RBFOX1: variants seen among roughly 807,000 people sequenced by gnomAD.
The protein encoded by RBFOX1 is RNA binding protein fox-1 homolog 1.
In RBFOX1, 8 loss-of-function variants were observed where a neutral mutation model predicts 57.7. That is an observed-to-expected ratio of 0.14 (90% CI 0.08 to 0.25). The LOEUF (loss-of-function observed/expected upper bound fraction) is 0.25. Ranked by LOEUF, RBFOX1 falls within the 10% of genes least tolerant of loss-of-function variation. The probability of loss-of-function intolerance (pLI) is 1.00; values close to 1 mark genes in which losing one functional copy is unlikely to be tolerated. For missense variants in RBFOX1, 611 were observed against 548.5 expected, an observed-to-expected ratio of 1.11 and a Z score of -1.14; for synonymous variants, 326 against 222.4, an observed-to-expected ratio of 1.47 and a Z score of -4.15.
At chr16:6,854,788 G>A (rs926442454) in intron 3 of RBFOX1, among the ~76,000 whole-genome samples, 2 of 151,806 alleles carry the variant, frequency 1.3e-5, no homozygotes, top group Non-Finnish European at 2.9e-5. Flanking sequence ...TAGAGACGGG[G>A]TTTCACCATG....
At chr16:7,078,102 C>G (rs2058587976) in intron 4 of RBFOX1, among the ~76,000 whole-genome samples, 1 of 152,172 alleles carries the variant, frequency 6.6e-6, no homozygotes, top group African/African-American at 2.4e-5. Context: ...TCCTCTTTGG[C>G]TCATGAGAAA....
chr16:7,466,921 C>T (rs1385387174), intron 4 of RBFOX1, among the ~76,000 whole-genome samples: 1 of 152,108 alleles, frequency 6.6e-6, no homozygotes, highest in Non-Finnish European at 1.5e-5. Flanking sequence ...GATTTTCAGC[C>T]ACAGGAGAGA....
At chr16:7,701,851 C>T (rs2080844947) in intron 14 of RBFOX1, among the ~76,000 whole-genome samples, 1 of 152,188 alleles carries the variant, frequency 6.6e-6, no homozygotes, top group African/African-American at 2.4e-5. Flanking sequence ...CCTAGATAAA[C>T]CATTGCTTTC....
intron 5 of RBFOX1, among the ~76,000 whole-genome samples, chr16:7,574,337 T>A (rs762710230): frequency 6.6e-6 from 1 of 152,106 alleles, no homozygotes; most frequent in Non-Finnish European, 1.5e-5. Context: ...ATAAAATAGA[T>A]GTTTATGTAA....
At chr16:7,240,626 C>T (rs1022636148) in intron 4 of RBFOX1, among the ~76,000 whole-genome samples, 2 of 152,268 alleles carry the variant, frequency 1.3e-5, no homozygotes, top group Admixed American at 1.3e-4. Context: ...ATGATCACAG[C>T]TCACTGCAGC....
chr16:7,239,428 G>C (rs543343247), intron 4 of RBFOX1, among the ~76,000 whole-genome samples: 277 of 152,292 alleles, frequency 1.8e-3, no homozygotes, highest in Non-Finnish European at 3.1e-3. Flanking sequence ...AAACCTGGGA[G>C]CTGGAGGTTT....
intron 2 of RBFOX1, among the ~76,000 whole-genome samples, chr16:6,389,543 C>T (rs1483862749): frequency 6.6e-6 from 1 of 152,088 alleles, no homozygotes. Context: ...AAATGAAGGT[C>T]CACTTAGTCC....
chr16:5,275,643 A>G (rs542654264), intron 1 of RBFOX1, among the ~76,000 whole-genome samples: 2 of 152,344 alleles, frequency 1.3e-5, no homozygotes, highest in South Asian at 4.1e-4. Flanking sequence ...TGCAATTCCT[A>G]TCAAAATACC....
chr16:7,472,136 A>G (rs1196183770), intron 4 of RBFOX1, among the ~76,000 whole-genome samples: 3 of 152,192 alleles, frequency 2.0e-5, no homozygotes, highest in Admixed American at 1.3e-4. Context: ...ACATGTTTAT[A>G]ATTTCTTCTT....
chr16:6,436,753 A>G (rs535672086), intron 2 of RBFOX1, among the ~76,000 whole-genome samples: 9 of 152,276 alleles, frequency 5.9e-5, no homozygotes, highest in African/African-American at 1.4e-4. Context: ...TCCGAGATGT[A>G]GTAGTAACTC....
intron 3 of RBFOX1, among the ~76,000 whole-genome samples, chr16:6,930,941 A>G (rs1418810095): frequency 2.0e-5 from 3 of 151,896 alleles, no homozygotes; most frequent in Admixed American, 6.6e-5. Context: ...ATTCATATAT[A>G]TATATATAGT....
intron 3 of RBFOX1, among the ~76,000 whole-genome samples, chr16:6,679,878 G>GTTTTTTTTTTTTTTTTTTTTTTTTTT (rs71145274): frequency 4.4e-5 from 5 of 114,304 alleles, no homozygotes; most frequent in African/African-American, 1.2e-4. Flanking sequence ...GTTTCTACTT[G>GTTTTTTTTTTTTTTTTTTTTTTTTTT]TTTTTTTTTT....
intron 2 of RBFOX1, among the ~76,000 whole-genome samples, chr16:6,374,214 G>C (rs1008526155): frequency 2.0e-5 from 3 of 152,264 alleles, no homozygotes; most frequent in African/African-American, 7.2e-5. Flanking sequence ...AGTATTTCAA[G>C]AATGGAGGGC....
chr16:5,351,859 A>G (rs1317011396), intron 1 of RBFOX1, among the ~76,000 whole-genome samples: 1 of 152,174 alleles, frequency 6.6e-6, no homozygotes, highest in Non-Finnish European at 1.5e-5. Context: ...GCTGGAGTAC[A>G]ATGGCACAAT....
chr16:7,427,077 A>G (rs2098626302), intron 4 of RBFOX1, among the ~76,000 whole-genome samples: 1 of 152,158 alleles, frequency 6.6e-6, no homozygotes, highest in South Asian at 2.1e-4. Flanking sequence ...GAACACTTGG[A>G]CACAAGGTGG....
chr16:7,346,813 T>C, intron 4 of RBFOX1, among the ~76,000 whole-genome samples: 1 of 152,098 alleles, frequency 6.6e-6, no homozygotes, highest in East Asian at 1.9e-4. Flanking sequence ...CCATTCTGAA[T>C]CTCAAGAAAC....
chr16:7,201,092 G>T (rs141278546), intron 4 of RBFOX1, among the ~76,000 whole-genome samples: 2 of 152,246 alleles, frequency 1.3e-5, no homozygotes, highest in Non-Finnish European at 2.9e-5. Context: ...ATTTATTTCT[G>T]AATGTAAAAA....
chr16:6,972,907 T>G (rs1270239500), intron 3 of RBFOX1, among the ~76,000 whole-genome samples: 4 of 152,142 alleles, frequency 2.6e-5, no homozygotes, highest in African/African-American at 4.8e-5. Context: ...GTGGATCACT[T>G]GAGGTCAGGA....
chr16:5,612,561 C>G (rs1033706381), intron 3 of RBFOX1, among the ~76,000 whole-genome samples: 7 of 152,190 alleles, frequency 4.6e-5, no homozygotes, highest in Non-Finnish European at 1.0e-4. Context: ...TATAATAAAA[C>G]CGGGCATACA....
Sources: allele counts gnomAD v4.1 joint callset (sites outside exome capture counted in the v4.1 genomes callset), GRCh38; gene constraint gnomAD v4.1.1; transcripts MANE v1.5; gene names NCBI Gene and HGNC (gene_info 2026-07-23, HGNC 2026-07-21).